KIF1B: variants seen among roughly 807,000 people sequenced by gnomAD.
The protein encoded by KIF1B is kinesin family member 1B.
A neutral mutation model predicts 241.9 loss-of-function variants in KIF1B; 76 were observed. The observed-to-expected ratio is 0.31, with a 90% CI of 0.26 to 0.38. The LOEUF is 0.38. Ranked by LOEUF, KIF1B falls within the 10% of genes least tolerant of loss-of-function variation. The pLI is 1.00. For synonymous variants in KIF1B, 750 were observed against 796.7 expected (o/e 0.94, Z 0.99); for missense variants, 1,622 against 2,271.4 (o/e 0.71, Z 5.81).
rs1436433665 is a variant in KIF1B, at chr1:10,337,227, C to T, written c.3259+24C>T. 1 of 1,614,090 alleles carries T rather than the reference C, an allele frequency of 6.2e-7. No homozygotes were observed. Among genetic ancestry groups the T allele is most frequent in the East Asian group, 2.2e-5 (1 of 44,882 alleles). On this transcript the variant is annotated intron_variant, in intron 30 of 48. Transcript: ENST00000676179. The surrounding 1 kb of genome is among the most constrained non-coding windows in gnomAD (Gnocchi z 4.0). ...GGGTATGTAGACATAGTTTACTGTG[C>T]TTGGGGACATTTTCGACAAAGGGAA...
At chr1:10,301,341 T>G (rs896040364) in intron 22 of KIF1B, among the ~76,000 whole-genome samples, 1 of 152,190 alleles carries the variant, frequency 6.6e-6, no homozygotes, top group Non-Finnish European at 1.5e-5. Flanking sequence ...TTGAGTATTT[T>G]TTTTTTAAGT....
At position 10,364,957 on chromosome 1, in the gene KIF1B, G is replaced by T. The variant is rs192707297; in HGVS notation, c.4367-143G>T. On this transcript the variant is annotated intron_variant, in intron 41 of 48. Coordinates refer to ENST00000676179, the MANE Select transcript of KIF1B (RefSeq NM_001365951.3). ...GGAGGCGGAGCTTGCAGTGGGCTGA[G>T]ATCACGCCACTGCACTCCAGCCTGG... 241 of 638,544 alleles carry T rather than the reference G, an allele frequency of 3.8e-4. 1 individual carries two copies. In the African/African-American group the frequency reaches 4.2e-3, roughly 11 times the overall value. 39.6% of individuals were successfully genotyped at this position (638,544 alleles called of 1,614,324 possible). A position where few individuals can be genotyped will look rare whatever the true frequency, so the allele number is the denominator to read the frequency against.
intron 10 of KIF1B, among the ~76,000 whole-genome samples, chr1:10,274,007 G>T (rs940377661): frequency 2.0e-5 from 3 of 149,370 alleles, no homozygotes; most frequent in Non-Finnish European, 4.4e-5. Context: ...CACGATCTCG[G>T]CTCAGTGCAA....
intron 10 of KIF1B, among the ~76,000 whole-genome samples, chr1:10,273,725 A>C (rs1327635293): frequency 2.8e-5 from 4 of 143,022 alleles, no homozygotes; most frequent in South Asian, 2.3e-4. Flanking sequence ...AAAAAAAAAA[A>C]AAAAAAAAAA....
intron 13 of KIF1B, chr1:10,278,812 A>G: frequency 2.7e-6 from 1 of 374,206 alleles, no homozygotes; most frequent in South Asian, 5.6e-5. Flanking sequence ...TAGGAATAGA[A>G]TATGGTAGAA....
chr1:10,301,753 T>C (rs2102267412), intron 22 of KIF1B, among the ~76,000 whole-genome samples: 1 of 152,342 alleles, frequency 6.6e-6, no homozygotes, highest in South Asian at 2.1e-4. Flanking sequence ...CAGCAACTTT[T>C]ATCTCCCGAA....
Position 10,240,720 on chromosome 1 carries a change from CA to C in KIF1B, c.106+8287del, listed in dbSNP as rs1241918414. ...TGGATTTAAGAATTTATGGGTAGTT[CA>C]TTTTTTTTTTTTTTTTTTTTTGGTA... On this transcript the variant is annotated intron_variant, in intron 2 of 48. Coordinates refer to ENST00000676179, the MANE Select transcript of KIF1B (RefSeq NM_001365951.3). 0.012 allele frequency among the ~76,000 whole-genome samples: 1,199 copies of C among 103,764 alleles called. 122 individuals are homozygous for C. The East Asian group carries it at 0.24, about 21-fold the overall frequency. The allele number at this position is 103,764 out of a possible 152,430, so 68.1% of individuals were successfully genotyped here. A position where few individuals can be genotyped will look rare whatever the true frequency, so the allele number is the denominator to read the frequency against.
chr1:10,222,430 A>G (rs1646857560), intron 1 of KIF1B, among the ~76,000 whole-genome samples: 1 of 152,182 alleles, frequency 6.6e-6, no homozygotes, highest in Non-Finnish European at 1.5e-5. Flanking sequence ...GGCTGTGGCA[A>G]CCAACTGAAG....
At chr1:10,250,218 C>T (rs935983463) in intron 2 of KIF1B, among the ~76,000 whole-genome samples, 2 of 152,064 alleles carry the variant, frequency 1.3e-5, no homozygotes, top group African/African-American at 2.4e-5. Context: ...GAAAAATTAA[C>T]GTATGTGTAA....
chr1:10,303,447 C>G lies in KIF1B; in HGVS notation c.2115+6201C>G. 1 of 1,614,202 alleles carries G rather than the reference C, an allele frequency of 6.2e-7. No individual in the cohort carries two copies. The highest frequency in any genetic ancestry group is 8.5e-7 in the Non-Finnish European group (1 of 1,180,040). ...AGGTTGCTCTCAATGACTTCAGGCA[C>G]AGTCGGCAGGAGATTGAAGCCCTGG... On this transcript the variant is annotated intron_variant, in intron 22 of 48. Coordinates refer to ENST00000676179, the MANE Select transcript of KIF1B (RefSeq NM_001365951.3). The surrounding 1 kb of genome is among the most constrained non-coding windows in gnomAD (Gnocchi z 5.2).
chr1:10,311,401 C>T lies in KIF1B; in HGVS notation c.2116-8642C>T, dbSNP rs544208814. On this transcript the variant is annotated intron_variant, in intron 22 of 48. Coordinates refer to ENST00000676179, the MANE Select transcript of KIF1B (RefSeq NM_001365951.3). ...TTTTTGTATTTTTAGTAGAGACGGACGGGGTCTCACCATGTTGGCTAGGCT... is the reference window on the plus strand; with the variant it reads ...TTTTTGTATTTTTAGTAGAGACGGATGGGGTCTCACCATGTTGGCTAGGCT... Among the ~76,000 whole-genome samples, 29 of 151,034 alleles carry T rather than the reference C, an allele frequency of 1.9e-4. 3 individuals are homozygous for T. The highest frequency in any genetic ancestry group is 6.7e-4 in the African/African-American group (27 of 40,590).
intron 35 of KIF1B, among the ~76,000 whole-genome samples, chr1:10,347,241 C>T (rs1423436500): frequency 6.6e-6 from 1 of 152,154 alleles, no homozygotes; most frequent in Non-Finnish European, 1.5e-5. Flanking sequence ...CCATCATGGT[C>T]ATCATTGGGA....
rs558309476 is a variant in KIF1B, at chr1:10,274,240, C to T, written c.883-1188C>T. On this transcript the variant is annotated intron_variant, in intron 10 of 48. Transcript: ENST00000676179. ...GGCATGAGCCACTGTGCCCGGCCTC[C>T]CCTTAATATCTTCTTAAAGTGTCAC... 2.7e-3 allele frequency among the ~76,000 whole-genome samples: 418 copies of T among 152,158 alleles called. 2 individuals are homozygous for T. Among genetic ancestry groups the T allele is most frequent in the African/African-American group, 9.2e-3 (382 of 41,532 alleles).
chr1:10,316,915 T>G (rs1022187900), intron 22 of KIF1B, among the ~76,000 whole-genome samples: 1 of 151,568 alleles, frequency 6.6e-6, no homozygotes, highest in African/African-American at 2.4e-5. Context: ...TTTTTTGTTT[T>G]TTTGTTTTTC....
chr1:10,252,531 C>T lies in KIF1B; in HGVS notation c.107-3716C>T, dbSNP rs573390463. Among the ~76,000 whole-genome samples, 96 of 151,874 alleles carry T rather than the reference C, an allele frequency of 6.3e-4. 1 individual carries two copies. Among genetic ancestry groups the T allele is most frequent in the African/African-American group, 2.2e-3 (92 of 41,430 alleles). ...GGCTCAGGTGATCTTCCTACCTAAG[C>T]CCCCTGAGTAGCTGGGAGTGCAGGC... On this transcript the variant is annotated intron_variant, in intron 2 of 48. Coordinates refer to ENST00000676179, the MANE Select transcript of KIF1B (RefSeq NM_001365951.3).
intron 38 of KIF1B, among the ~76,000 whole-genome samples, chr1:10,360,056 T>A (rs186410820): frequency 0.01 from 1,501 of 150,094 alleles, 21 homozygotes; most frequent in African/African-American, 0.035. Flanking sequence ...AATAAAAAAA[T>A]AATAAAATAA....
intron 5 of KIF1B, among the ~76,000 whole-genome samples, chr1:10,266,533 C>T (rs1557675921): frequency 6.6e-6 from 1 of 152,228 alleles, no homozygotes; most frequent in Admixed American, 6.5e-5. Flanking sequence ...GGTCAACCCT[C>T]ATCCCTTCTG....
chr1:10,265,501 G>A (rs1417472551), intron 5 of KIF1B, among the ~76,000 whole-genome samples: 1 of 152,108 alleles, frequency 6.6e-6, no homozygotes, highest in Non-Finnish European at 1.5e-5. Context: ...CTCCCAAAGA[G>A]TGGGGATTCC....
chr1:10,313,694 G>A (rs1479343346), intron 22 of KIF1B, among the ~76,000 whole-genome samples: 1 of 149,546 alleles, frequency 6.7e-6, no homozygotes, highest in African/African-American at 2.5e-5. Flanking sequence ...GGGACTACAG[G>A]TGCCCACCAC....
Sources: allele counts gnomAD v4.1 joint callset (sites outside exome capture counted in the v4.1 genomes callset), GRCh38; gene constraint gnomAD v4.1.1; non-coding constraint Gnocchi (gnomAD v3.1); transcripts MANE v1.5; gene names NCBI Gene and HGNC (gene_info 2026-07-23, HGNC 2026-07-21).